The following USP53 variants were observed in gnomAD, a reference collection of about 807,000 sequenced individuals.
USP53 encodes ubiquitin specific peptidase 53.
In USP53, 71 loss-of-function variants were observed where a neutral mutation model predicts 94.9. The ratio of observed to expected loss-of-function variants is 0.75; its 90% CI spans 0.62 to 0.91. USP53 has a LOEUF of 0.91. Ranked by LOEUF, USP53 falls within the 40% of genes least tolerant of loss-of-function variation. The pLI, the probability that USP53 is intolerant of heterozygous loss-of-function variation, is 0.00. For synonymous variants in USP53, 375 were observed against 422.7 expected, an observed-to-expected ratio of 0.89 and a Z score of 1.39; for missense variants, 1,173 against 1,281.0, an observed-to-expected ratio of 0.92 and a Z score of 1.29.
Position 119,262,015 on chromosome 4 carries a change from C to CT in USP53, c.972+154dup, listed in dbSNP as rs1056090076. 2.0e-4 allele frequency: 152 copies of CT among 765,914 alleles called. 1 individual carries two copies. The highest frequency in any genetic ancestry group is 1.2e-4 in the Admixed American group (3 of 25,932). 47.4% of individuals were successfully genotyped at this position (765,914 alleles called of 1,614,324 possible). A position where few individuals can be genotyped will look rare whatever the true frequency, so the allele number is the denominator to read the frequency against. ...TGATGATAGCATCAGTAAGTTCAAA[C>CT]TTTCTTTTGTTATTCTTGAAATTGG... On this transcript the variant is annotated intron_variant, in intron 12 of 18. Transcript: ENST00000692078.
intron 14 of USP53, among the ~76,000 whole-genome samples, chr4:119,268,718 T>C (rs1751488909): frequency 6.6e-6 from 1 of 152,206 alleles, no homozygotes; most frequent in African/African-American, 2.4e-5. Flanking sequence ...AATTATCAGC[T>C]TGGAGCAGAA....
At chr4:119,288,703 G>A (rs896388790) in intron 17 of USP53, among the ~76,000 whole-genome samples, 6 of 152,070 alleles carry the variant, frequency 3.9e-5, no homozygotes, top group Admixed American at 2.0e-4. Context: ...TTGGGAGGCC[G>A]ACGCTGGCGG....
In USP53 at chr4:119,239,650, A is replaced by G; in HGVS notation, c.-110A>G. On this transcript the variant is annotated 5_prime_UTR_variant, in exon 5 of 19. Transcript: ENST00000692078. ...GGACTTGGAAACTTACATTATTAAA[A>G]TAGACTGCAGTGGATTTAATTGGAC... is the stretch of plus-strand genomic sequence containing the variant. 1 of 1,268,364 alleles carries G rather than the reference A, an allele frequency of 7.9e-7. No homozygotes were observed. The highest frequency in any genetic ancestry group is 2.6e-5 in the Admixed American group (1 of 38,686). 78.6% of individuals were successfully genotyped at this position (1,268,364 alleles called of 1,614,324 possible).
In USP53 at chr4:119,273,692, C is replaced by A. The variant is rs1752168563; in HGVS notation, c.2235C>A (p.Ser745Arg). ...KERGDCTSLQSQHHLEGFRKE... is the reference protein window; with the variant it reads ...KERGDCTSLQRQHHLEGFRKE... ...GTGGGGACTGTACCTCCCTTCAGAGCCAACATCACTTAGAAGGTAAAAAAC... is the reference window on the plus strand; with the variant it reads ...GTGGGGACTGTACCTCCCTTCAGAGACAACATCACTTAGAAGGTAAAAAAC... Residue 745 changes from serine to arginine, a missense_variant, in exon 17 of 19, where the codon AGC (serine) becomes AGA (arginine). Ser to Arg is a moderately radical substitution (Grantham distance 110). Transcript: ENST00000692078. 1 of 1,610,744 alleles carries A rather than the reference C, an allele frequency of 6.2e-7. No homozygotes were observed. Among genetic ancestry groups the A allele is most frequent in the Non-Finnish European group, 8.5e-7 (1 of 1,178,110 alleles).
intron 7 of USP53, among the ~76,000 whole-genome samples, chr4:119,249,511 G>A (rs1251961530): frequency 6.6e-6 from 1 of 151,840 alleles, no homozygotes; most frequent in East Asian, 1.9e-4. Flanking sequence ...TCTTCTTTCT[G>A]TTTCTAGTCA....
rs140253468 is a variant in USP53, at chr4:119,272,354, G to A, written c.2174+320G>A. On this transcript the variant is annotated intron_variant, in intron 16 of 18. Coordinates refer to ENST00000692078, the MANE Select transcript of USP53 (RefSeq NM_001371395.1). ...GTTGTGTCACTGTCAACAATTGATT[G>A]GTTTTAAAGCACAGACTTCAATTGG... The A allele has an allele frequency of 2.2e-3, 431 of 194,974 alleles. 1 individual carries two copies. Among genetic ancestry groups the A allele is most frequent in the African/African-American group, 9.7e-3 (413 of 42,484 alleles). The allele number at this position is 194,974 out of a possible 1,614,324, so 12.1% of individuals were successfully genotyped here.
At position 119,292,716 on chromosome 4, in the gene USP53, G is replaced by A. The variant is rs775344550; in HGVS notation, c.2727G>A (p.Gly909=). 3 of 1,614,004 alleles carry A rather than the reference G, an allele frequency of 1.9e-6. No homozygotes were observed. The highest frequency in any genetic ancestry group is 2.5e-6 in the Non-Finnish European group (3 of 1,179,956). ...TTCGGTCAGCCAGCAGATCTGATGG[G>A]TGTCAGATGCCAAAACTTTTTTGCC... ...CIIRSASRSD[G]CQMPKLFCQN... The change falls in exon 19 of 19, where the codon GGG becomes GGA. Residue 909 remains glycine (G), a synonymous_variant. Coordinates refer to ENST00000692078, the MANE Select transcript of USP53 (RefSeq NM_001371395.1).
At chr4:119,281,639 C>T (rs1561340785) in intron 17 of USP53, among the ~76,000 whole-genome samples, 1 of 152,148 alleles carries the variant, frequency 6.6e-6, no homozygotes, top group South Asian at 2.1e-4. Flanking sequence ...TGAACAATAA[C>T]TGCAAGTTCA....
chr4:119,280,643 G>T (rs1753412733), intron 17 of USP53, among the ~76,000 whole-genome samples: 1 of 152,188 alleles, frequency 6.6e-6, no homozygotes, highest in Non-Finnish European at 1.5e-5. Flanking sequence ...GGAAAGCTAT[G>T]AGAAAAGGGG....
In USP53 at chr4:119,269,688, C is replaced by A; in HGVS notation, c.1289-3C>A. 1.4e-6 allele frequency: 2 copies of A among 1,402,996 alleles called. No homozygotes were observed. Among genetic ancestry groups the A allele is most frequent in the South Asian group, 1.9e-5 (1 of 51,384 alleles). The allele number at this position is 1,402,996 out of a possible 1,614,324, so 86.9% of individuals were successfully genotyped here. A position where few individuals can be genotyped will look rare whatever the true frequency, so the allele number is the denominator to read the frequency against. ...ATCATAGTAAGAATGATTTCTTTTA[C>A]AGCTAAGTTAAGTCACATTGATCAA... On this transcript the variant is annotated splice_polypyrimidine_tract_variant and splice_region_variant and intron_variant, in intron 14 of 18. Transcript: ENST00000692078.
intron 7 of USP53, among the ~76,000 whole-genome samples, chr4:119,255,178 G>C (rs937083397): frequency 2.6e-5 from 4 of 152,216 alleles, no homozygotes; most frequent in Non-Finnish European, 5.9e-5. Context: ...GGCTACACAG[G>C]GGTCAGGAAT....
At chr4:119,246,603 C>T (rs1229544060) in intron 6 of USP53, among the ~76,000 whole-genome samples, 5 of 152,178 alleles carry the variant, frequency 3.3e-5, no homozygotes, top group Non-Finnish European at 7.3e-5. Flanking sequence ...CAATAAATAA[C>T]TATAACAGGG....
rs762079773 is a variant in USP53 at position 119,260,532 on chromosome 4, T to A, written c.701T>A (p.Ile234Asn). The A allele has an allele frequency of 7.4e-6, 12 of 1,613,750 alleles. No individual in the cohort carries two copies. Among genetic ancestry groups the A allele is most frequent in the Non-Finnish European group, 1.0e-5 (12 of 1,179,828 alleles). Reference sequence around the variant, plus strand: ...AGTAACTGTGGCCAAAAAATAAAAATTCGCCGTGTTTTAATGAATTGCCCA... The same window carrying A: ...AGTAACTGTGGCCAAAAAATAAAAAATCGCCGTGTTTTAATGAATTGCCCA... ...CPSNCGQKIKIRRVLMNCPEI... is the reference protein window; with the variant it reads ...CPSNCGQKIKNRRVLMNCPEI... The change falls in exon 11 of 19, where the codon ATT becomes AAT. Residue 234 changes from isoleucine (I) to asparagine (N), a missense_variant. Coordinates refer to ENST00000692078, the MANE Select transcript of USP53 (RefSeq NM_001371395.1).
chr4:119,279,342 C>T (rs958942983), intron 17 of USP53, among the ~76,000 whole-genome samples: 1 of 148,930 alleles, frequency 6.7e-6, no homozygotes, highest in Non-Finnish European at 1.5e-5. Flanking sequence ...AGCTGCATGT[C>T]TGTTGGAGTA....
At chr4:119,213,760 C>G (rs1053697428) in intron 1 of USP53, among the ~76,000 whole-genome samples, 1 of 151,038 alleles carries the variant, frequency 6.6e-6, no homozygotes, top group Non-Finnish European at 1.5e-5. Context: ...AACCTGTAGT[C>G]CCAGCTACTC....
chr4:119,268,329 G>A lies in USP53; in HGVS notation c.1197G>A (p.Gln399=). ...DNLKENGFGD[Q]AKQRENQKFP... is the part of the protein sequence containing the mutation. ...TAAAAGAAAATGGATTTGGTGATCA[G>A]GCAAAGCAGAGAGAAAATCAGAAAT... Residue 399 remains glutamine (Q), a synonymous_variant, in exon 14 of 19, where the codon CAG becomes CAA. Coordinates refer to ENST00000692078, the MANE Select transcript of USP53 (RefSeq NM_001371395.1). 6.2e-7 allele frequency: 1 copy of A among 1,613,932 alleles called. No homozygotes were observed. Among genetic ancestry groups the A allele is most frequent in the Non-Finnish European group, 8.5e-7 (1 of 1,179,934 alleles).
At chr4:119,245,906 G>A (rs1270778393) in intron 6 of USP53, among the ~76,000 whole-genome samples, 1 of 152,156 alleles carries the variant, frequency 6.6e-6, no homozygotes. Context: ...AAAGAAAATA[G>A]GGAGTGTTGT....
At chr4:119,264,257 A>G (rs1461855961) in intron 12 of USP53, among the ~76,000 whole-genome samples, 2 of 152,206 alleles carry the variant, frequency 1.3e-5, no homozygotes, top group African/African-American at 4.8e-5. Flanking sequence ...AACAGACCAG[A>G]AATGACTGAG....
At chr4:119,263,160 C>T (rs1750708938) in intron 12 of USP53, among the ~76,000 whole-genome samples, 1 of 152,198 alleles carries the variant, frequency 6.6e-6, no homozygotes, top group Non-Finnish European at 1.5e-5. Context: ...ACTTCTGATT[C>T]TACCCATGAA....
Sources: allele counts gnomAD v4.1 joint callset (sites outside exome capture counted in the v4.1 genomes callset), GRCh38; gene constraint gnomAD v4.1.1; transcripts MANE v1.5; gene names NCBI Gene and HGNC (gene_info 2026-07-23, HGNC 2026-07-21).